Variants in FAM161A observed in about 807,000 individuals in gnomAD.
FAM161A encodes protein FAM161A.
Under a neutral mutation model 70.9 loss-of-function variants are expected in FAM161A, and 57 were observed. The ratio of observed to expected loss-of-function variants is 0.80; its 90% confidence interval spans 0.65 to 1.00. The LOEUF (loss-of-function observed/expected upper bound fraction) is 1.00. Ranked by LOEUF, FAM161A falls within the 50% of genes least tolerant of loss-of-function variation. The probability of loss-of-function intolerance (pLI) is 0.00; values close to 1 mark genes in which losing one functional copy is unlikely to be tolerated. For missense variants in FAM161A, 880 were observed against 836.0 expected, an observed-to-expected ratio of 1.05 and a Z score of -0.65; for synonymous variants, 299 against 295.7, an observed-to-expected ratio of 1.01 and a Z score of -0.12.
chr2:61,802,209 G>A, the FAM161A span, among the ~76,000 whole-genome samples: 13 of 152,120 alleles, frequency 8.5e-5, no homozygotes, highest in African/African-American at 3.1e-4. Context: ...ATTAGTTGGT[G>A]ACCGCAGGGG....
At chr2:61,803,670 T>C in the FAM161A span, among the ~76,000 whole-genome samples, 1 of 152,108 alleles carries the variant, frequency 6.6e-6, no homozygotes, top group Non-Finnish European at 1.5e-5. Context: ...AAAAATTAGC[T>C]GGGCATGGTG....
At chr2:61,804,109 A>G in the FAM161A span, among the ~76,000 whole-genome samples, 2 of 152,174 alleles carry the variant, frequency 1.3e-5, no homozygotes, top group African/African-American at 4.8e-5. Context: ...ATGCCTCCCC[A>G]TTTTAGACCA....
chr2:61,806,680 CTTT>C, the FAM161A span, among the ~76,000 whole-genome samples: 4 of 61,592 alleles, frequency 6.5e-5, no homozygotes, highest in Non-Finnish European at 9.0e-5. Flanking sequence ...CTTTCCACGT[CTTT>C]TTTTTTTTTT....
chr2:61,821,826 G>C (rs543786575), downstream of FAM161A, among the ~76,000 whole-genome samples: 47 of 152,026 alleles, frequency 3.1e-4, no homozygotes, highest in African/African-American at 1.1e-3. Flanking sequence ...CTGGAGTGCA[G>C]TGGCATGATC....
chr2:61,825,359 G>T lies in FAM161A; in HGVS notation c.*1096C>A, dbSNP rs1322859909. 2.2e-6 allele frequency: 1 copy of T among 453,992 alleles called. No individual in the cohort carries two copies. Among genetic ancestry groups the T allele is most frequent in the East Asian group, 6.9e-5 (1 of 14,544 alleles). 28.1% of individuals were successfully genotyped at this position (453,992 alleles called of 1,614,324 possible). On this transcript the variant is annotated 3_prime_UTR_variant, in exon 7 of 7. Coordinates refer to ENST00000404929, the MANE Select transcript of FAM161A (RefSeq NM_001201543.2). ...TAAATCTGAATTACTTTGGAGACTT[G>T]CCCTAGCCAAGTTATTATGCACAAT...
chr2:61,843,832 A>G (rs1178675309), intron 1 of FAM161A, among the ~76,000 whole-genome samples: 1 of 152,100 alleles, frequency 6.6e-6, no homozygotes, highest in Non-Finnish European at 1.5e-5. Flanking sequence ...TAACTTAAAG[A>G]AAACAACTTT....
the FAM161A span, among the ~76,000 whole-genome samples, chr2:61,813,015 ATCATGCCACTGCAC>A: frequency 6.6e-6 from 1 of 152,190 alleles, no homozygotes. Flanking sequence ...GTGAGCCGAG[ATCATGCCACTGCAC>A]TCCAGCCTGG....
rs752470299 is a variant in FAM161A, at chr2:61,853,865, C to T, written c.177G>A (p.Gly59=). Residue 59 remains glycine, a synonymous_variant, in exon 1 of 7, where the codon GGG becomes GGA. Coordinates refer to ENST00000404929, the MANE Select transcript of FAM161A (RefSeq NM_001201543.2). ...EEEEKVAQPA[G]ASADLNTSFS... ...AGTCCCGCCCCAGTATTACCGATGC[C>T]CCAGCGGGCTGAGCCACTTTCTCCT... 3.1e-6 allele frequency: 5 copies of T among 1,613,930 alleles called. No individual in the cohort carries two copies. Among genetic ancestry groups the T allele is most frequent in the Admixed American group, 3.3e-5 (2 of 60,022 alleles).
the FAM161A span, among the ~76,000 whole-genome samples, chr2:61,809,880 C>A: frequency 5.3e-5 from 8 of 152,192 alleles, no homozygotes; most frequent in African/African-American, 1.9e-4. Flanking sequence ...CCCAGTCTAG[C>A]CTGGTGGAGG....
downstream of FAM161A, among the ~76,000 whole-genome samples, chr2:61,819,911 T>C (rs985855902): frequency 6.6e-6 from 1 of 152,232 alleles, no homozygotes; most frequent in Admixed American, 6.5e-5. Flanking sequence ...ATGATTTTTT[T>C]CTATTATACA....
the FAM161A span, among the ~76,000 whole-genome samples, chr2:61,801,306 G>A: frequency 1.3e-5 from 2 of 150,560 alleles, no homozygotes; most frequent in Non-Finnish European, 3.0e-5. Flanking sequence ...GACCAGCCTG[G>A]CCAACATAGT....
At chr2:61,820,673 G>C (rs189381865), downstream of FAM161A, 3 of 431,306 alleles carry the variant, frequency 7.0e-6, no homozygotes, top group East Asian at 8.6e-5. Flanking sequence ...GTGTAACAAG[G>C]GAAAGTTTTT....
chr2:61,802,806 G>A, the FAM161A span, among the ~76,000 whole-genome samples: 1 of 152,174 alleles, frequency 6.6e-6, no homozygotes, highest in Admixed American at 6.5e-5. Flanking sequence ...ATGGTCGTAA[G>A]AGGTAGCAGG....
In FAM161A at chr2:61,825,223, A is replaced by C; in HGVS notation, c.*1232T>G. ...AATTTTAAAACAAAAATTTGCTTAA[A>C]GAAAAAAATATAGATTTATAAAATC... On this transcript the variant is annotated 3_prime_UTR_variant, in exon 7 of 7. Coordinates refer to ENST00000404929, the MANE Select transcript of FAM161A (RefSeq NM_001201543.2). 1 of 438,396 alleles carries C rather than the reference A, an allele frequency of 2.3e-6. No homozygotes were observed. The highest frequency in any genetic ancestry group is 1.7e-5 in the South Asian group (1 of 59,452). 27.2% of individuals were successfully genotyped at this position (438,396 alleles called of 1,614,324 possible). A position where few individuals can be genotyped will look rare whatever the true frequency, so the allele number is the denominator to read the frequency against.
chr2:61,821,229 T>A (rs1298785779), downstream of FAM161A, among the ~76,000 whole-genome samples: 1 of 152,168 alleles, frequency 6.6e-6, no homozygotes, highest in African/African-American at 2.4e-5. Flanking sequence ...ATTTTTGTAC[T>A]TTTAGTAGAG....
At chr2:61,831,370 G>T (rs1407769977) in intron 5 of FAM161A, among the ~76,000 whole-genome samples, 2 of 151,626 alleles carry the variant, frequency 1.3e-5, no homozygotes, top group Non-Finnish European at 2.9e-5. Context: ...CTGGAATTGA[G>T]GTTAACAGAA....
chr2:61,829,385 C>T (rs1672490291), intron 5 of FAM161A, among the ~76,000 whole-genome samples: 1 of 152,106 alleles, frequency 6.6e-6, no homozygotes, highest in East Asian at 1.9e-4. Context: ...GGACTGATTA[C>T]AATAGATAAA....
chr2:61,826,613 T>C lies in FAM161A; in HGVS notation c.2007-14A>G. ...TCTTCATTAAAGCTAGGGGAAGAAA[T>C]TTATCAATCTTTCAAAGGAAAAATG... On this transcript the variant is annotated splice_polypyrimidine_tract_variant and intron_variant, in intron 6 of 6. Transcript: ENST00000404929. 1 of 1,596,362 alleles carries C rather than the reference T, an allele frequency of 6.3e-7. No individual in the cohort carries two copies. The highest frequency in any genetic ancestry group is 8.6e-7 in the Non-Finnish European group (1 of 1,167,466).
chr2:61,843,225 C>T (rs949744853), intron 1 of FAM161A, among the ~76,000 whole-genome samples: 26 of 152,182 alleles, frequency 1.7e-4, no homozygotes, highest in Non-Finnish European at 3.2e-4. Context: ...CTCACTGCAA[C>T]CTCTGCCTTC....
Sources: allele counts gnomAD v4.1 joint callset (sites outside exome capture counted in the v4.1 genomes callset), GRCh38; gene constraint gnomAD v4.1.1; transcripts MANE v1.5; gene names NCBI Gene and HGNC (gene_info 2026-07-23, HGNC 2026-07-21).